LMNTD1: variants seen among roughly 807,000 people sequenced by gnomAD.
The protein encoded by LMNTD1 is lamin tail domain containing 1, also known as lamin tail domain-containing protein 1.
LMNTD1 carries 35 observed loss-of-function variants against 50.9 expected under a neutral mutation model. That is an observed-to-expected ratio of 0.69 (90% CI 0.53 to 0.91). The LOEUF (loss-of-function observed/expected upper bound fraction) is 0.91, where lower values mean the gene tolerates loss of function less well. Among genes scored for constraint, LMNTD1 ranks in the 40% least tolerant of loss-of-function variants. LMNTD1 has a pLI of 0.00. For missense variants in LMNTD1, 470 were observed against 475.5 expected (o/e 0.99, Z 0.11); for synonymous variants, 153 against 161.9 (o/e 0.94, Z 0.42).
intron 1 of LMNTD1, among the ~76,000 whole-genome samples, chr12:25,571,648 C>G (rs1260792350): frequency 6.6e-6 from 1 of 151,600 alleles, no homozygotes; most frequent in East Asian, 1.9e-4. Context: ...CAGGCATGAG[C>G]TACCATTCCC....
intron 1 of LMNTD1, among the ~76,000 whole-genome samples, chr12:25,618,710 A>G (rs16929129): frequency 0.057 from 8,683 of 152,266 alleles, 275 homozygotes; most frequent in African/African-American, 0.077. Flanking sequence ...AGAATTTAAC[A>G]TCAATTTGAA....
At chr12:25,557,655 TG>T (rs573781160), upstream of LMNTD1, among the ~76,000 whole-genome samples, 89 of 152,360 alleles carry the variant, frequency 5.8e-4, no homozygotes, top group Middle Eastern at 3.4e-3. Context: ...CACTATATTC[TG>T]TATAGTAATT....
At chr12:25,542,296 C>T (rs537877184) in intron 4 of LMNTD1, among the ~76,000 whole-genome samples, 3 of 151,728 alleles carry the variant, frequency 2.0e-5, no homozygotes, top group African/African-American at 7.3e-5. Context: ...GCATTATTCA[C>T]AATAGCAAAG....
upstream of LMNTD1, among the ~76,000 whole-genome samples, chr12:25,554,174 T>A (rs918612730): frequency 3.3e-5 from 5 of 152,192 alleles, no homozygotes; most frequent in Non-Finnish European, 7.4e-5. Flanking sequence ...CATCAGAAGG[T>A]TTATAAATTT....
At chr12:25,626,799 C>T in intron 1 of LMNTD1, among the ~76,000 whole-genome samples, 1 of 152,140 alleles carries the variant, frequency 6.6e-6, no homozygotes, top group East Asian at 1.9e-4. Flanking sequence ...ATTGCTCCCA[C>T]CCAAGCTGAA....
At chr12:25,597,288 C>T (rs998518296) in intron 1 of LMNTD1, among the ~76,000 whole-genome samples, 1 of 151,692 alleles carries the variant, frequency 6.6e-6, no homozygotes, top group African/African-American at 2.4e-5. Flanking sequence ...CACACATAGA[C>T]TAAAAATGAA....
chr12:25,509,876 G>T (rs1940123982), intron 8 of LMNTD1, among the ~76,000 whole-genome samples: 1 of 152,184 alleles, frequency 6.6e-6, no homozygotes, highest in East Asian at 1.9e-4. Context: ...TGCAAGGAAA[G>T]ATAATTTTCT....
chr12:25,535,586 G>A (rs1233474865), intron 4 of LMNTD1, among the ~76,000 whole-genome samples: 1 of 151,914 alleles, frequency 6.6e-6, no homozygotes, highest in Non-Finnish European at 1.5e-5. Flanking sequence ...GTGCAGAGGA[G>A]CAAATACAAA....
At chr12:25,647,266 T>C (rs147824517) in intron 1 of LMNTD1, among the ~76,000 whole-genome samples, 1 of 152,270 alleles carries the variant, frequency 6.6e-6, no homozygotes, top group Non-Finnish European at 1.5e-5. Context: ...GTGGATTGCT[T>C]TGAGCCCAGG....
intron 9 of LMNTD1, among the ~76,000 whole-genome samples, chr12:25,488,228 T>A (rs1938735641): frequency 7.4e-6 from 1 of 135,442 alleles, no homozygotes. Flanking sequence ...TGCAGAGTGT[T>A]TTCCACCTTG....
At chr12:25,530,882 A>T (rs1942179692) in intron 4 of LMNTD1, among the ~76,000 whole-genome samples, 1 of 152,206 alleles carries the variant, frequency 6.6e-6, no homozygotes, top group Admixed American at 6.5e-5. Flanking sequence ...TAGGTTATTC[A>T]GGTGGAATTA....
chr12:25,599,535 C>G (rs1945916858), intron 1 of LMNTD1, among the ~76,000 whole-genome samples: 1 of 151,912 alleles, frequency 6.6e-6, no homozygotes, highest in African/African-American at 2.4e-5. Context: ...ATGATATAAT[C>G]TTAAATTTGG....
intron 1 of LMNTD1, among the ~76,000 whole-genome samples, chr12:25,580,639 GA>G (rs1435299874): frequency 6.6e-6 from 1 of 152,074 alleles, no homozygotes; most frequent in African/African-American, 2.4e-5. Context: ...AAATAATTGT[GA>G]AATTTGCCTG....
intron 1 of LMNTD1, among the ~76,000 whole-genome samples, chr12:25,588,792 G>A (rs778981495): frequency 6.6e-6 from 1 of 152,084 alleles, no homozygotes; most frequent in East Asian, 1.9e-4. Flanking sequence ...TAAAAAGGGA[G>A]GAAAGCCTAT....
At chr12:25,512,556 A>G (rs548073704) in intron 8 of LMNTD1, among the ~76,000 whole-genome samples, 1 of 152,322 alleles carries the variant, frequency 6.6e-6, no homozygotes, top group South Asian at 2.1e-4. Context: ...AAAATTTTCT[A>G]GCTCCATCAC....
intron 1 of LMNTD1, among the ~76,000 whole-genome samples, chr12:25,630,041 A>C (rs1391489612): frequency 6.6e-6 from 1 of 152,164 alleles, no homozygotes; most frequent in Non-Finnish European, 1.5e-5. Flanking sequence ...ATAAGCAGTA[A>C]AAAAGATCCT....
intron 1 of LMNTD1, among the ~76,000 whole-genome samples, chr12:25,646,040 T>C (rs1486259778): frequency 1.3e-5 from 2 of 152,154 alleles, no homozygotes; most frequent in African/African-American, 2.4e-5. Flanking sequence ...GCATTGTATC[T>C]AATAATTCTG....
chr12:25,608,976 G>C (rs1008823159), intron 1 of LMNTD1, among the ~76,000 whole-genome samples: 1 of 152,098 alleles, frequency 6.6e-6, no homozygotes, highest in Non-Finnish European at 1.5e-5. Context: ...CGTAGATTTG[G>C]TCTTTTCACA....
chr12:25,537,393 C>G (rs1381997983), intron 4 of LMNTD1, among the ~76,000 whole-genome samples: 3 of 152,210 alleles, frequency 2.0e-5, no homozygotes, highest in Non-Finnish European at 4.4e-5. Context: ...GGCAGACTGC[C>G]TCCTTAAGTG....
Sources: allele counts gnomAD v4.1 joint callset (sites outside exome capture counted in the v4.1 genomes callset), GRCh38; gene constraint gnomAD v4.1.1; transcripts MANE v1.5; gene names NCBI Gene and HGNC (gene_info 2026-07-23, HGNC 2026-07-21).